GPR149: variants seen among roughly 807,000 people sequenced by gnomAD.
GPR149 encodes the protein probable G protein-coupled receptor 149.
In GPR149, 50 loss-of-function variants were observed where a neutral mutation model predicts 50.2. The observed-to-expected ratio is 1.00, with a 90% confidence interval of 0.79 to 1.26. The LOEUF (loss-of-function observed/expected upper bound fraction) is 1.26. GPR149 is among the 50% of genes most tolerant of loss of function. GPR149 has a pLI of 0.00. For synonymous variants in GPR149, 405 were observed against 358.2 expected (o/e 1.13, Z -1.48); for missense variants, 983 against 895.4 (o/e 1.10, Z -1.25).
chr3:154,419,135 C>G (rs927926090), intron 3 of GPR149, among the ~76,000 whole-genome samples: 1 of 152,012 alleles, frequency 6.6e-6, no homozygotes. Flanking sequence ...TCCTGAAAGA[C>G]TTGATCATCA....
At chr3:154,427,098 G>C (rs1444602402) in intron 2 of GPR149, among the ~76,000 whole-genome samples, 1 of 152,090 alleles carries the variant, frequency 6.6e-6, no homozygotes, top group African/African-American at 2.4e-5. Context: ...TCCTTTCAGA[G>C]GGTTAATAAT....
Position 154,428,695 on chromosome 3 carries a change from C to A in GPR149, c.921G>T (p.Ala307=), listed in dbSNP as rs1462005877. 2 of 1,614,028 alleles carry A rather than the reference C, an allele frequency of 1.2e-6. No homozygotes were observed. Among genetic ancestry groups the A allele is most frequent in the African/African-American group, 1.3e-5 (1 of 74,926 alleles). Residue 307 remains alanine, a synonymous_variant, in exon 1 of 4, where the codon GCG becomes GCT. Transcript: ENST00000389740. ...YGTRSFTVSV[A]QKRFALILAL... ...CTAGGATCAAAGCGAAGCGCTTCTG[C>A]GCTACGCTCACGGTGAAGCTCCTGG... is the stretch of plus-strand genomic sequence containing the variant.
intron 3 of GPR149, among the ~76,000 whole-genome samples, chr3:154,386,664 A>G (rs1333270670): frequency 6.6e-6 from 1 of 152,190 alleles, no homozygotes; most frequent in African/African-American, 2.4e-5. Flanking sequence ...TGCCTTAGGG[A>G]GACTGTGTTC....
intron 3 of GPR149, among the ~76,000 whole-genome samples, chr3:154,363,436 T>C (rs890341578): frequency 6.6e-6 from 1 of 152,120 alleles, no homozygotes; most frequent in Admixed American, 6.5e-5. Flanking sequence ...TCTCTGCTTC[T>C]AAGATGCTGT....
At chr3:154,368,411 G>T (rs988916262) in intron 3 of GPR149, among the ~76,000 whole-genome samples, 1 of 152,214 alleles carries the variant, frequency 6.6e-6, no homozygotes, top group Non-Finnish European at 1.5e-5. Flanking sequence ...TAAAGGGCCA[G>T]TTCCCCACCA....
intron 3 of GPR149, among the ~76,000 whole-genome samples, chr3:154,367,532 G>C (rs1387412916): frequency 6.6e-6 from 1 of 152,172 alleles, no homozygotes; most frequent in Admixed American, 6.6e-5. Context: ...CAAGATCTGA[G>C]ACATGTTAAT....
chr3:154,348,924 G>C lies in GPR149; in HGVS notation c.1624-10653C>G, dbSNP rs551007376. Among the ~76,000 whole-genome samples the C allele has an allele frequency of 4.6e-5, 7 of 152,162 alleles. No individual in the cohort carries two copies. The East Asian group carries it at 1.4e-3, about 29-fold the overall frequency. ...AATTTAAAGGAAACACAATTAAACA[G>C]TATGTTCTCTGACCACAACAGAAAT... On this transcript the variant is annotated intron_variant, in intron 3 of 3. Coordinates refer to ENST00000389740, the MANE Select transcript of GPR149 (RefSeq NM_001038705.3).
intron 2 of GPR149, among the ~76,000 whole-genome samples, chr3:154,423,331 A>G (rs111774895): frequency 0.019 from 2,952 of 151,964 alleles, 101 homozygotes; most frequent in African/African-American, 0.068. Flanking sequence ...GCTACTGAAG[A>G]TTGCTTACAG....
chr3:154,375,526 T>G (rs1714772193), intron 3 of GPR149, among the ~76,000 whole-genome samples: 1 of 152,238 alleles, frequency 6.6e-6, no homozygotes, highest in East Asian at 1.9e-4. Context: ...TGAATCCTAA[T>G]ACTGAAATTT....
intron 2 of GPR149, among the ~76,000 whole-genome samples, chr3:154,422,648 T>A (rs554779672): frequency 6.6e-6 from 1 of 151,948 alleles, no homozygotes; most frequent in Non-Finnish European, 1.5e-5. Context: ...TATAAACCAA[T>A]TCTGTTGACT....
At chr3:154,350,814 C>T (rs1714059781) in intron 3 of GPR149, among the ~76,000 whole-genome samples, 1 of 152,102 alleles carries the variant, frequency 6.6e-6, no homozygotes, top group Non-Finnish European at 1.5e-5. Context: ...GCAAAATCTT[C>T]AGATGCTTAA....
chr3:154,423,836 A>AATT (rs1005494668), intron 2 of GPR149, among the ~76,000 whole-genome samples: 1 of 151,610 alleles, frequency 6.6e-6, no homozygotes, highest in African/African-American at 2.4e-5. Context: ...AGGTAACATT[A>AATT]ATTATTATTA....
intron 3 of GPR149, among the ~76,000 whole-genome samples, chr3:154,351,327 A>T (rs972780388): frequency 8.1e-4 from 114 of 141,538 alleles, no homozygotes; most frequent in African/African-American, 2.6e-3. Flanking sequence ...AAAAAAAAAA[A>T]AAAAAAAAAA....
intron 3 of GPR149, chr3:154,352,360 T>C: frequency 9.0e-7 from 1 of 1,115,586 alleles, no homozygotes; most frequent in Non-Finnish European, 1.3e-6. Context: ...TATTCTTCAA[T>C]TTCAGGTAAT....
intron 3 of GPR149, among the ~76,000 whole-genome samples, chr3:154,356,405 A>G (rs1714225154): frequency 1.3e-5 from 2 of 152,206 alleles, no homozygotes; most frequent in South Asian, 4.1e-4. Context: ...CTGTTTGCAG[A>G]TGACATGATT....
In GPR149 at chr3:154,429,113, G is replaced by T; in HGVS notation, c.503C>A (p.Pro168Gln). Reference protein sequence around the residue: ...WAASLLLSALPLCGWGAFVRT... With the variant: ...WAASLLLSALQLCGWGAFVRT... Reference sequence around the variant, plus strand: ...CACGAAGGCGCCCCAGCCGCACAGCGGGAGCGCCGAGAGCAGCAGACTGGC... The same window carrying T: ...CACGAAGGCGCCCCAGCCGCACAGCTGGAGCGCCGAGAGCAGCAGACTGGC... Residue 168 changes from proline to glutamine, a missense_variant, in exon 1 of 4, where the codon CCG becomes CAG. Transcript: ENST00000389740. The T allele has an allele frequency of 1.2e-6, 2 of 1,613,656 alleles. No individual in the cohort carries two copies. Among genetic ancestry groups the T allele is most frequent in the Non-Finnish European group, 1.7e-6 (2 of 1,179,934 alleles).
chr3:154,394,452 A>AG (rs899660253), intron 3 of GPR149, among the ~76,000 whole-genome samples: 3 of 152,124 alleles, frequency 2.0e-5, no homozygotes, highest in Non-Finnish European at 4.4e-5. Context: ...AAGAAAATAT[A>AG]GGGAAAAAAC....
intron 3 of GPR149, among the ~76,000 whole-genome samples, chr3:154,340,364 G>T (rs933584019): frequency 1.3e-5 from 2 of 152,244 alleles, no homozygotes; most frequent in African/African-American, 2.4e-5. Context: ...TGAGACAGAG[G>T]GACCACACAG....
At chr3:154,343,953 C>T (rs749840986) in intron 3 of GPR149, among the ~76,000 whole-genome samples, 4 of 151,518 alleles carry the variant, frequency 2.6e-5, no homozygotes, top group Non-Finnish European at 5.9e-5. Context: ...CATTCCAACC[C>T]GGGTGACAGT....
Sources: gnomAD v4.1 joint callset for allele counts (sites outside exome capture counted in the v4.1 genomes callset) on GRCh38, gnomAD v4.1.1 for gene constraint, MANE v1.5 for transcripts, NCBI Gene and HGNC (gene_info 2026-07-23, HGNC 2026-07-21) for gene names.